SAMD12: variants seen among roughly 807,000 people sequenced by gnomAD.
SAMD12 encodes sterile alpha motif domain containing 12.
A neutral mutation model predicts 15.0 loss-of-function variants in SAMD12; 9 were observed. The ratio of observed to expected loss-of-function variants is 0.60; its 90% CI spans 0.36 to 1.05. SAMD12 has a LOEUF of 1.05. SAMD12 is among the 50% of genes least tolerant of loss of function. The probability of loss-of-function intolerance (pLI) is 0.01; values close to 1 mark genes in which losing one functional copy is unlikely to be tolerated. For synonymous variants in SAMD12, 86 were observed against 90.1 expected (o/e 0.96, Z 0.25); for missense variants, 230 against 234.2 (o/e 0.98, Z 0.12).
At chr8:118,467,066 C>T (rs979086026) in intron 2 of SAMD12, among the ~76,000 whole-genome samples, 1 of 152,142 alleles carries the variant, frequency 6.6e-6, no homozygotes, top group Non-Finnish European at 1.5e-5. Flanking sequence ...GGATAACAGG[C>T]AGCTGGGAAC....
chr8:118,523,661 CCTGTCAA>C (rs1285976140), intron 2 of SAMD12, among the ~76,000 whole-genome samples: 1 of 152,154 alleles, frequency 6.6e-6, no homozygotes, highest in Non-Finnish European at 1.5e-5. Flanking sequence ...AATCCACAAC[CCTGTCAA>C]CTGGTCTCCC....
chr8:118,544,119 C>T (rs1826061153), intron 2 of SAMD12, among the ~76,000 whole-genome samples: 1 of 152,138 alleles, frequency 6.6e-6, no homozygotes, highest in South Asian at 2.1e-4. Context: ...GTCGGCTCTT[C>T]TCCAAATGGC....
intron 3 of SAMD12, among the ~76,000 whole-genome samples, chr8:118,399,480 C>T (rs894630852): frequency 4.6e-5 from 7 of 152,066 alleles, no homozygotes; most frequent in African/African-American, 7.2e-5. Context: ...GTCTCTCTTC[C>T]TGTGAGTAGC....
chr8:118,279,563 T>C lies in SAMD12; in HGVS notation c.434-81831A>G, dbSNP rs533841322. 7.2e-5 allele frequency among the ~76,000 whole-genome samples: 11 copies of C among 152,362 alleles called. No homozygotes were observed. The South Asian group carries it at 2.3e-3, about 32-fold the overall frequency. Reference sequence around the variant, plus strand: ...TTAAAACTTTATTTGAATCACTCATTTCTGGCCCACATTTGAATTATGCTT... The same window carrying C: ...TTAAAACTTTATTTGAATCACTCATCTCTGGCCCACATTTGAATTATGCTT... On this transcript the variant is annotated intron_variant, in intron 4 of 4. Transcript: ENST00000409003.
At chr8:118,526,260 T>C (rs1563909744) in intron 2 of SAMD12, among the ~76,000 whole-genome samples, 1 of 152,194 alleles carries the variant, frequency 6.6e-6, no homozygotes, top group Non-Finnish European at 1.5e-5. Flanking sequence ...TAAATAATTA[T>C]GCCGGAGGTC....
At chr8:118,501,239 G>A (rs1217654519) in intron 2 of SAMD12, among the ~76,000 whole-genome samples, 4 of 152,084 alleles carry the variant, frequency 2.6e-5, no homozygotes, top group Non-Finnish European at 5.9e-5. Context: ...TTCTCTCAAT[G>A]TCTTGCTTTC....
chr8:118,327,084 G>A (rs932053501), intron 4 of SAMD12, among the ~76,000 whole-genome samples: 2 of 152,240 alleles, frequency 1.3e-5, no homozygotes, highest in African/African-American at 4.8e-5. Context: ...GATGGACTCA[G>A]TGAGGGAATT....
chr8:118,269,286 TGC>T (rs1813287873), intron 4 of SAMD12, among the ~76,000 whole-genome samples: 1 of 150,948 alleles, frequency 6.6e-6, no homozygotes, highest in South Asian at 2.1e-4. Flanking sequence ...TGTAGAAGTG[TGC>T]ATTCGACCTG....
chr8:118,419,585 T>A (rs1464348477), intron 3 of SAMD12, among the ~76,000 whole-genome samples: 1 of 152,218 alleles, frequency 6.6e-6, no homozygotes, highest in East Asian at 1.9e-4. Context: ...ACTTCATCCT[T>A]TGCTCTGTAG....
In SAMD12 at chr8:118,534,208, G is replaced by A. The variant is rs574162079; in HGVS notation, c.192+46507C>T. Reference sequence around the variant, plus strand: ...ATTTCTCCTTCACTTATGAAGCTTAGTTTGGCTGGATATGAAATTCTGGGT... The same window carrying A: ...ATTTCTCCTTCACTTATGAAGCTTAATTTGGCTGGATATGAAATTCTGGGT... On this transcript the variant is annotated intron_variant, in intron 2 of 3. Coordinates refer to ENST00000314727, the MANE Select transcript of SAMD12 (RefSeq NM_207506.3). Among the ~76,000 whole-genome samples the A allele has an allele frequency of 6.3e-4, 96 of 152,108 alleles. 1 individual carries two copies. The highest frequency in any genetic ancestry group is 2.1e-3 in the African/African-American group (88 of 41,484).
intron 2 of SAMD12, among the ~76,000 whole-genome samples, chr8:118,526,411 A>C (rs886389356): frequency 1.3e-5 from 2 of 152,106 alleles, no homozygotes; most frequent in African/African-American, 2.4e-5. Flanking sequence ...ACAATTGCAG[A>C]GTCTTTGGTT....
At chr8:118,263,895 A>G (rs548602819) in intron 4 of SAMD12, among the ~76,000 whole-genome samples, 101 of 152,216 alleles carry the variant, frequency 6.6e-4, no homozygotes, top group African/African-American at 2.4e-3. Context: ...TAAAGCTTCC[A>G]CAAACTGCTA....
intron 4 of SAMD12, among the ~76,000 whole-genome samples, chr8:118,287,284 C>G (rs1343178247): frequency 8.1e-6 from 1 of 123,018 alleles, no homozygotes; most frequent in Admixed American, 7.5e-5. Flanking sequence ...ACCACTGCGC[C>G]CGGCTAATTT....
chr8:118,282,184 T>C, intron 4 of SAMD12: 1 of 418,642 alleles, frequency 2.4e-6, no homozygotes, highest in Non-Finnish European at 4.7e-6. Flanking sequence ...ATTACTTCCC[T>C]TTTTTCTTTT....
intron 2 of SAMD12, among the ~76,000 whole-genome samples, chr8:118,525,390 A>C (rs904037428): frequency 1.3e-5 from 2 of 152,070 alleles, no homozygotes; most frequent in Non-Finnish European, 2.9e-5. Flanking sequence ...TCACCATTTC[A>C]CATTAGACAT....
chr8:118,166,689 C>T, the SAMD12 span, among the ~76,000 whole-genome samples: 1 of 152,162 alleles, frequency 6.6e-6, no homozygotes, highest in African/African-American at 2.4e-5. Context: ...TAATTTAATG[C>T]ATATAAAATT....
intron 1 of SAMD12, among the ~76,000 whole-genome samples, chr8:118,614,911 A>G (rs1442534545): frequency 6.6e-6 from 1 of 152,216 alleles, no homozygotes; most frequent in African/African-American, 2.4e-5. Flanking sequence ...ATTCCACTTC[A>G]GAAAACTGGG....
intron 2 of SAMD12, among the ~76,000 whole-genome samples, chr8:118,515,512 T>A (rs1342114078): frequency 6.6e-6 from 1 of 152,114 alleles, no homozygotes; most frequent in Non-Finnish European, 1.5e-5. Flanking sequence ...AATGCGAGAA[T>A]GGACTAATAC....
intron 3 of SAMD12, chr8:118,394,773 C>G (rs1254749598): frequency 6.6e-6 from 1 of 152,142 alleles, no homozygotes; most frequent in African/African-American, 2.4e-5. Flanking sequence ...CCTCTCAGCT[C>G]TTTTATCCCA....
Sources: allele counts gnomAD v4.1 joint callset (sites outside exome capture counted in the v4.1 genomes callset), GRCh38; gene constraint gnomAD v4.1.1; transcripts MANE v1.5; gene names NCBI Gene and HGNC (gene_info 2026-07-23, HGNC 2026-07-21).